ASTN2: variants seen among roughly 807,000 people sequenced by gnomAD.
ASTN2 encodes the protein astrotactin 2.
In ASTN2, 54 loss-of-function variants were observed where a neutral mutation model predicts 139.8. That is an observed-to-expected ratio of 0.39 (90% CI 0.31 to 0.48). ASTN2 has a LOEUF of 0.48. ASTN2 is among the 20% of genes least tolerant of loss of function. The pLI is 0.95. For missense variants in ASTN2, 1,565 were observed against 1,725.1 expected, an observed-to-expected ratio of 0.91 and a Z score of 1.64; for synonymous variants, 756 against 719.5, an observed-to-expected ratio of 1.05 and a Z score of -0.81.
chr9:116,426,295 A>C (rs910752803), intron 22 of ASTN2, among the ~76,000 whole-genome samples: 4 of 152,180 alleles, frequency 2.6e-5, no homozygotes, highest in Non-Finnish European at 5.9e-5. Context: ...AAAATGAAAA[A>C]GAGGTAGAGC....
At chr9:116,506,762 G>A (rs978112168) in intron 19 of ASTN2, among the ~76,000 whole-genome samples, 15 of 152,152 alleles carry the variant, frequency 9.9e-5, no homozygotes, top group Admixed American at 5.2e-4. Flanking sequence ...TTACTTCACC[G>A]CCCAGAGGTT....
intron 3 of ASTN2, among the ~76,000 whole-genome samples, chr9:117,198,896 G>C (rs1275393671): frequency 6.6e-6 from 1 of 152,154 alleles, no homozygotes; most frequent in African/African-American, 2.4e-5. Context: ...CAGTGATGTT[G>C]GGCTGTTTTT....
chr9:116,956,097 T>TG (rs1295536224), intron 10 of ASTN2, among the ~76,000 whole-genome samples: 1 of 145,890 alleles, frequency 6.9e-6, no homozygotes, highest in Admixed American at 6.9e-5. Context: ...TTCTTTTCTT[T>TG]TTTTTTTTTT....
chr9:117,374,410 G>A (rs183098498), intron 1 of ASTN2, among the ~76,000 whole-genome samples: 44 of 134,356 alleles, frequency 3.3e-4, no homozygotes, highest in Admixed American at 2.8e-3. Context: ...ATCGCAGCCC[G>A]CAAACATGAG....
At chr9:116,932,020 G>A (rs1300823039) in intron 10 of ASTN2, among the ~76,000 whole-genome samples, 1 of 152,084 alleles carries the variant, frequency 6.6e-6, no homozygotes. Flanking sequence ...AGAATGAGGG[G>A]TGGTAGGGGG....
At chr9:116,893,355 T>C (rs1254792728) in intron 10 of ASTN2, among the ~76,000 whole-genome samples, 1 of 152,222 alleles carries the variant, frequency 6.6e-6, no homozygotes, top group Admixed American at 6.5e-5. Flanking sequence ...AGAGAACATT[T>C]GGTTGTTGGA....
At chr9:116,811,804 C>T (rs115805298) in intron 12 of ASTN2, among the ~76,000 whole-genome samples, 1 of 152,158 alleles carries the variant, frequency 6.6e-6, no homozygotes, top group Admixed American at 6.5e-5. Context: ...AGTCCATTAA[C>T]CCATTTACAT....
intron 6 of ASTN2, among the ~76,000 whole-genome samples, chr9:117,030,511 T>C (rs1198383575): frequency 6.6e-6 from 1 of 152,198 alleles, no homozygotes; most frequent in Non-Finnish European, 1.5e-5. Flanking sequence ...TGATTCATTC[T>C]GGTTGGAAGC....
At chr9:116,667,236 G>A (rs1042512167) in intron 16 of ASTN2, among the ~76,000 whole-genome samples, 24 of 151,810 alleles carry the variant, frequency 1.6e-4, no homozygotes, top group Admixed American at 9.8e-4. Flanking sequence ...GATTACAGGC[G>A]TGAACCACCA....
chr9:117,243,145 T>C (rs4837034), intron 2 of ASTN2, among the ~76,000 whole-genome samples: 33,096 of 152,150 alleles, frequency 0.22, 4,144 homozygotes, highest in Middle Eastern at 0.28. Context: ...AGCAAGGTCA[T>C]GTGATATGGA....
At chr9:117,121,121 C>A (rs12338713) in intron 4 of ASTN2, among the ~76,000 whole-genome samples, 14,109 of 152,256 alleles carry the variant, frequency 0.093, 1,176 homozygotes, top group African/African-American at 0.21. Flanking sequence ...CATCACTACA[C>A]ATTTGTGGTC....
intron 16 of ASTN2, among the ~76,000 whole-genome samples, chr9:116,662,500 G>A (rs1271113560): frequency 6.6e-6 from 1 of 151,990 alleles, no homozygotes; most frequent in Non-Finnish European, 1.5e-5. Context: ...TTCAACCTGG[G>A]AGGCAGAGTT....
At chr9:117,366,110 G>A (rs1829837717) in intron 1 of ASTN2, among the ~76,000 whole-genome samples, 1 of 152,102 alleles carries the variant, frequency 6.6e-6, no homozygotes, top group Non-Finnish European at 1.5e-5. Context: ...TAGCACCGCT[G>A]CTACATACTG....
Position 117,120,719 on chromosome 9 carries a change from T to C in ASTN2, c.1168+20607A>G, listed in dbSNP as rs191570900. ...TTTGGACTCTGTGTTAAAACTATCATAATGGGGAAGGCAAGTGGAGACATT... is the reference window on the plus strand; with the variant it reads ...TTTGGACTCTGTGTTAAAACTATCACAATGGGGAAGGCAAGTGGAGACATT... On this transcript the variant is annotated intron_variant, in intron 4 of 22. Transcript: ENST00000313400. Among the ~76,000 whole-genome samples the C allele has an allele frequency of 4.6e-4, 70 of 152,262 alleles. 5 individuals carry two copies. Among genetic ancestry groups the C allele is most frequent in the African/African-American group, 1.6e-3 (66 of 41,566 alleles).
intron 5 of ASTN2, among the ~76,000 whole-genome samples, chr9:117,044,218 A>G (rs1211464761): frequency 6.6e-6 from 1 of 152,224 alleles, no homozygotes; most frequent in Non-Finnish European, 1.5e-5. Flanking sequence ...GAACTCAATT[A>G]TTCTTATAGA....
Position 116,510,183 on chromosome 9 carries a change from A to T in ASTN2, c.3356-22683T>A, listed in dbSNP as rs182676722. ...TAATCCATCTTGAATTAATTTTTGT[A>T]TAAGGTGTAAGGAAGGGATCCAGTT... On this transcript the variant is annotated intron_variant, in intron 19 of 22. Transcript: ENST00000313400. Among the ~76,000 whole-genome samples the T allele has an allele frequency of 5.7e-4, 87 of 152,284 alleles. No homozygotes were observed. In the East Asian group the frequency reaches 0.016, roughly 28 times the overall value.
chr9:117,116,834 CAAAAAAAAAAAAA>C (rs72075422), intron 4 of ASTN2, among the ~76,000 whole-genome samples: 11 of 45,188 alleles, frequency 2.4e-4, no homozygotes, highest in East Asian at 7.8e-4. Flanking sequence ...TGGCATGAGC[CAAAAAAAAAAAAA>C]AAAAAAAAAA....
chr9:116,661,989 G>A (rs1356451544), intron 16 of ASTN2, among the ~76,000 whole-genome samples: 6 of 150,552 alleles, frequency 4.0e-5, no homozygotes, highest in Non-Finnish European at 7.4e-5. Context: ...TTGTGTACAT[G>A]TACCCTAGAA....
At chr9:117,060,404 A>AAGAG (rs1839228343) in intron 5 of ASTN2, among the ~76,000 whole-genome samples, 2 of 74,210 alleles carry the variant, frequency 2.7e-5, no homozygotes, top group East Asian at 6.1e-4. Flanking sequence ...GAAAGAAAGA[A>AAGAG]AGAAAGAAGG....
Sources: allele counts gnomAD v4.1 joint callset (sites outside exome capture counted in the v4.1 genomes callset), GRCh38; gene constraint gnomAD v4.1.1; transcripts MANE v1.5; gene names NCBI Gene and HGNC (gene_info 2026-07-23, HGNC 2026-07-21).